RTKN2: variants seen among roughly 807,000 people sequenced by gnomAD.
RTKN2 encodes the protein rhotekin 2.
RTKN2 carries 69 observed loss-of-function variants against 71.5 expected under a neutral mutation model. The observed-to-expected ratio is 0.96, with a 90% CI of 0.79 to 1.18. RTKN2 has a LOEUF of 1.18. RTKN2 is among the 50% of genes most tolerant of loss of function. The probability of loss-of-function intolerance (pLI) is 0.00; values close to 1 mark genes in which losing one functional copy is unlikely to be tolerated. For missense variants in RTKN2, 724 were observed against 719.7 expected (o/e 1.01, Z -0.07); for synonymous variants, 236 against 236.5 (o/e 1.00, Z 0.02).
At chr10:62,258,252 T>G (rs976448743) in intron 2 of RTKN2, among the ~76,000 whole-genome samples, 2 of 152,186 alleles carry the variant, frequency 1.3e-5, no homozygotes, top group Non-Finnish European at 2.9e-5. Context: ...AATGAACTTC[T>G]TAGGACATTA....
intron 2 of RTKN2, among the ~76,000 whole-genome samples, chr10:62,257,004 A>C (rs1842688012): frequency 1.3e-5 from 2 of 152,200 alleles, no homozygotes; most frequent in South Asian, 4.1e-4. Flanking sequence ...TTAAATTCTA[A>C]GCCCTATTTG....
intron 9 of RTKN2, among the ~76,000 whole-genome samples, chr10:62,209,275 AAAG>A (rs915628780): frequency 8.5e-5 from 13 of 152,156 alleles, no homozygotes; most frequent in African/African-American, 2.7e-4. Flanking sequence ...TCTCAAAAAA[AAAG>A]AAGAAGAAAA....
intron 2 of RTKN2, among the ~76,000 whole-genome samples, chr10:62,249,992 G>A (rs1414761742): frequency 6.6e-6 from 1 of 152,112 alleles, no homozygotes; most frequent in Non-Finnish European, 1.5e-5. Context: ...GATCAACAAG[G>A]AAAGCAAATA....
intron 10 of RTKN2, 44 bp downstream of exon 10, chr10:62,204,813 G>A: frequency 7.1e-7 from 1 of 1,407,216 alleles, no homozygotes; most frequent in Non-Finnish European, 9.6e-7. Context: ...CATCCTTTTA[G>A]GCTACATAAA....
intron 3 of RTKN2, among the ~76,000 whole-genome samples, chr10:62,245,375 G>A (rs1842458718): frequency 6.6e-6 from 1 of 152,128 alleles, no homozygotes; most frequent in East Asian, 1.9e-4. Flanking sequence ...TATGTTGCCA[G>A]GACAAGGAGA....
At chr10:62,224,880 G>T (rs1196666165) in intron 6 of RTKN2, among the ~76,000 whole-genome samples, 1 of 152,154 alleles carries the variant, frequency 6.6e-6, no homozygotes, top group Non-Finnish European at 1.5e-5. Context: ...GCAACGCAAG[G>T]CTGGAAATAC....
At chr10:62,216,474 G>A (rs1159514974) in intron 9 of RTKN2, among the ~76,000 whole-genome samples, 1 of 149,744 alleles carries the variant, frequency 6.7e-6, no homozygotes, top group Non-Finnish European at 1.5e-5. Flanking sequence ...ATTTAAGACC[G>A]TGAGGTAGAA....
At chr10:62,185,337 G>T (rs570295952) in intron 8 of RTKN2, among the ~76,000 whole-genome samples, 18 of 152,274 alleles carry the variant, frequency 1.2e-4, no homozygotes, top group African/African-American at 4.3e-4. Context: ...CTTTTGGCAG[G>T]CTGGGCACGG....
chr10:62,195,149 G>C lies in RTKN2; in HGVS notation c.*2759C>G. On this transcript the variant is annotated 3_prime_UTR_variant, in exon 12 of 12. Coordinates refer to ENST00000373789, the MANE Select transcript of RTKN2 (RefSeq NM_145307.4). Reference sequence around the variant, plus strand: ...TATATCCCAGAGCTTGAAATGTAAAGGTAATTGTCTAAGACATTATCTTTA... The same window carrying C: ...TATATCCCAGAGCTTGAAATGTAAACGTAATTGTCTAAGACATTATCTTTA... 1.0e-6 allele frequency: 1 copy of C among 977,550 alleles called. No homozygotes were observed. The highest frequency in any genetic ancestry group is 4.7e-5 in the South Asian group (1 of 21,076). 60.6% of individuals were successfully genotyped at this position (977,550 alleles called of 1,614,324 possible). A position where few individuals can be genotyped will look rare whatever the true frequency, so the allele number is the denominator to read the frequency against.
chr10:62,195,606 T>TGAAGGAAGGAAGGAAGGAAGGAAGGAAG lies in RTKN2; in HGVS notation c.*2274_*2301dup, dbSNP rs3835074. The TGAAGGAAGGAAGGAAGGAAGGAAGGAAG allele has an allele frequency of 7.0e-5, 21 of 301,766 alleles. No individual in the cohort carries two copies. The highest frequency in any genetic ancestry group is 2.3e-4 in the South Asian group (2 of 8,572). 18.7% of individuals were successfully genotyped at this position (301,766 alleles called of 1,614,324 possible). On this transcript the variant is annotated 3_prime_UTR_variant, in exon 12 of 12. Transcript: ENST00000373789. ...GGGAAGGAGAGACGGACAGAGGGAA[T>TGAAGGAAGGAAGGAAGGAAGGAAGGAAG]GAAGGAAGGAAGGAAGGAAGGAAGG...
At position 62,258,080 on chromosome 10, in the gene RTKN2, C is replaced by T. The variant is rs561923860; in HGVS notation, c.257+4545G>A. ...GGTAATAGAACATTTAACCAGTTGCCAATATTCTCAGGATTGTGTGGTTTT... is the reference window on the plus strand; with the variant it reads ...GGTAATAGAACATTTAACCAGTTGCTAATATTCTCAGGATTGTGTGGTTTT... On this transcript the variant is annotated intron_variant, in intron 2 of 11. Coordinates refer to ENST00000373789, the MANE Select transcript of RTKN2 (RefSeq NM_145307.4). Among the ~76,000 whole-genome samples the T allele has an allele frequency of 1.1e-4, 17 of 152,178 alleles. 1 individual carries two copies. The South Asian group carries it at 3.5e-3, about 32-fold the overall frequency.
At chr10:62,213,712 CA>C (rs1169234029) in intron 9 of RTKN2, among the ~76,000 whole-genome samples, 1 of 151,400 alleles carries the variant, frequency 6.6e-6, no homozygotes. Context: ...AATGGGTCAT[CA>C]AAAAATATAG....
chr10:62,266,493 T>C (rs1383196923), intron 1 of RTKN2, among the ~76,000 whole-genome samples: 1 of 152,236 alleles, frequency 6.6e-6, no homozygotes, highest in Non-Finnish European at 1.5e-5. Context: ...GAATTGTTTA[T>C]GTACAGAAAA....
chr10:62,237,662 G>A (rs1162110900), intron 5 of RTKN2, among the ~76,000 whole-genome samples: 4 of 151,520 alleles, frequency 2.6e-5, no homozygotes, highest in African/African-American at 9.7e-5. Flanking sequence ...TCTTTATAAA[G>A]AGTCACTTAT....
At chr10:62,266,235 C>A (rs1842866436) in intron 1 of RTKN2, among the ~76,000 whole-genome samples, 1 of 152,078 alleles carries the variant, frequency 6.6e-6, no homozygotes, top group Non-Finnish European at 1.5e-5. Context: ...GAAACAGAAA[C>A]CTACTAGGTT....
chr10:62,219,257 T>C (rs912435234), intron 7 of RTKN2, among the ~76,000 whole-genome samples: 39 of 151,922 alleles, frequency 2.6e-4, no homozygotes, highest in Non-Finnish European at 2.4e-4. Flanking sequence ...GAGAGGGTGA[T>C]GACACTGGGG....
downstream of RTKN2, among the ~76,000 whole-genome samples, chr10:62,188,741 A>G (rs1241110137): frequency 1.4e-5 from 2 of 147,988 alleles, no homozygotes; most frequent in Non-Finnish European, 1.5e-5. Context: ...ATATATTTAA[A>G]TTTTTTAAAT....
At chr10:62,207,681 C>T (rs1589339556) in intron 9 of RTKN2, among the ~76,000 whole-genome samples, 1 of 151,968 alleles carries the variant, frequency 6.6e-6, no homozygotes, top group East Asian at 1.9e-4. Flanking sequence ...TTCCCTGCCT[C>T]CCCCCCATAT....
intron 6 of RTKN2, among the ~76,000 whole-genome samples, chr10:62,224,890 C>T (rs7078397): frequency 0.76 from 115,373 of 151,960 alleles, 43,888 homozygotes; most frequent in East Asian, 0.9. Flanking sequence ...GCTGGAAATA[C>T]AGGGAGTGAT....
Sources: allele counts gnomAD v4.1 joint callset (sites outside exome capture counted in the v4.1 genomes callset), GRCh38; gene constraint gnomAD v4.1.1; transcripts MANE v1.5; gene names NCBI Gene and HGNC (gene_info 2026-07-23, HGNC 2026-07-21).